KALRN: variants seen among roughly 807,000 people sequenced by gnomAD.
KALRN encodes kalirin RhoGEF kinase.
In KALRN, 70 loss-of-function variants were observed where a neutral mutation model predicts 353.7. That is an observed-to-expected ratio of 0.20 (90% confidence interval 0.16 to 0.24). The LOEUF (loss-of-function observed/expected upper bound fraction) is 0.24, where lower values mean the gene tolerates loss of function less well. KALRN is among the 10% of genes least tolerant of loss of function. The probability of loss-of-function intolerance (pLI) is 1.00; values close to 1 mark genes in which losing one functional copy is unlikely to be tolerated. For missense variants in KALRN, 2,791 were observed against 3,756.7 expected (o/e 0.74, Z 6.72); for synonymous variants, 1,391 against 1,434.8 (o/e 0.97, Z 0.69).
chr3:124,640,088 G>A (rs544367091), intron 37 of KALRN, among the ~76,000 whole-genome samples: 6 of 152,114 alleles, frequency 3.9e-5, no homozygotes, highest in Non-Finnish European at 7.3e-5. Context: ...AAGAAGAAAA[G>A]ATTCAGAGCT....
chr3:124,665,263 T>A (rs2150296196), intron 45 of KALRN, among the ~76,000 whole-genome samples: 1 of 152,168 alleles, frequency 6.6e-6, no homozygotes, highest in African/African-American at 2.4e-5. Context: ...TGCAAAGCAA[T>A]AGAAGTGCAA....
intron 1 of KALRN, among the ~76,000 whole-genome samples, chr3:124,117,305 G>A (rs907265199): frequency 6.6e-6 from 1 of 150,394 alleles, no homozygotes; most frequent in African/African-American, 2.5e-5. Flanking sequence ...TTCTTTTATG[G>A]AAAAGAAAAA....
At chr3:124,293,076 A>G (rs1157347981) in intron 5 of KALRN, among the ~76,000 whole-genome samples, 1 of 152,198 alleles carries the variant, frequency 6.6e-6, no homozygotes, top group Non-Finnish European at 1.5e-5. Flanking sequence ...CAGATATAAC[A>G]AGGTTCACCC....
intron 10 of KALRN, among the ~76,000 whole-genome samples, chr3:124,352,781 G>C (rs1031487663): frequency 6.6e-6 from 1 of 151,630 alleles, no homozygotes; most frequent in African/African-American, 2.4e-5. Context: ...ACCAAACACC[G>C]CATGTTCTCA....
chr3:124,138,701 A>G (rs2066247658), intron 1 of KALRN, among the ~76,000 whole-genome samples: 1 of 152,154 alleles, frequency 6.6e-6, no homozygotes, highest in Non-Finnish European at 1.5e-5. Context: ...TTCATAGATC[A>G]GTCATCAGCA....
At chr3:124,312,145 AT>A (rs2078331443) in intron 6 of KALRN, among the ~76,000 whole-genome samples, 1 of 152,168 alleles carries the variant, frequency 6.6e-6, no homozygotes, top group Non-Finnish European at 1.5e-5. Flanking sequence ...TGCACTTTTT[AT>A]TTTATTTCAT....
At chr3:124,331,882 G>C (rs1034178209) in intron 8 of KALRN, among the ~76,000 whole-genome samples, 1 of 152,168 alleles carries the variant, frequency 6.6e-6, no homozygotes, top group Non-Finnish European at 1.5e-5. Flanking sequence ...CAGATGTAGA[G>C]ACTGAGGCAG....
Position 124,674,698 on chromosome 3 carries a change from A to G in KALRN, c.7193+84A>G, listed in dbSNP as rs563492868. 3.9e-5 allele frequency: 54 copies of G among 1,373,032 alleles called. 1 individual carries two copies. The South Asian group carries it at 7.9e-4, about 20-fold the overall frequency. 85.1% of individuals were successfully genotyped at this position (1,373,032 alleles called of 1,614,324 possible). On this transcript the variant is annotated intron_variant, in intron 49 of 59. Coordinates refer to ENST00000682506, the MANE Select transcript of KALRN (RefSeq NM_001388419.1). The stretch of plus-strand genomic sequence containing the variant: ...CAAACAAAAGAACACAAAAATGCAA[A>G]CACATGGTAGGGAATTACTACTGCT...
At chr3:124,629,337 C>T (rs1010103468) in intron 34 of KALRN, among the ~76,000 whole-genome samples, 1 of 152,096 alleles carries the variant, frequency 6.6e-6, no homozygotes, top group Non-Finnish European at 1.5e-5. Context: ...CAGGGCTGTG[C>T]TGTATATAGT....
intron 1 of KALRN, among the ~76,000 whole-genome samples, chr3:124,068,111 C>G (rs1180553112): frequency 6.6e-6 from 1 of 152,186 alleles, no homozygotes; most frequent in Non-Finnish European, 1.5e-5. Context: ...AGTGGCTAGT[C>G]TGAAAATCTC....
intron 1 of KALRN, among the ~76,000 whole-genome samples, chr3:124,138,358 G>C (rs1333057856): frequency 6.6e-6 from 1 of 152,214 alleles, no homozygotes; most frequent in East Asian, 1.9e-4. Flanking sequence ...GGCTCTCTGT[G>C]CTCTACTCCA....
At chr3:124,084,926 C>G (rs1390374762) in intron 1 of KALRN, among the ~76,000 whole-genome samples, 1 of 152,222 alleles carries the variant, frequency 6.6e-6, no homozygotes, top group African/African-American at 2.4e-5. Flanking sequence ...GGAGCCACAG[C>G]TCCACCTGTG....
At chr3:124,696,382 C>A in intron 54 of KALRN, 127 bp downstream of exon 54, 1 of 712,512 alleles carries the variant, frequency 1.4e-6, no homozygotes, top group Non-Finnish European at 2.2e-6. Flanking sequence ...GCACTCCAAC[C>A]ACCTCAGCCT....
chr3:124,388,918 T>C (rs1397097418), intron 11 of KALRN, among the ~76,000 whole-genome samples: 1 of 152,136 alleles, frequency 6.6e-6, no homozygotes, highest in Non-Finnish European at 1.5e-5. Context: ...AACTCTTGAC[T>C]CCTTCCTCTT....
chr3:124,277,996 A>ATGTG (rs3054178), intron 5 of KALRN, among the ~76,000 whole-genome samples: 7,554 of 146,118 alleles, frequency 0.052, 191 homozygotes, highest in African/African-American at 0.067. Context: ...GAGATGAACT[A>ATGTG]TGTGTGTGTG....
At chr3:124,375,276 A>C (rs1194034859) in intron 10 of KALRN, among the ~76,000 whole-genome samples, 1 of 152,188 alleles carries the variant, frequency 6.6e-6, no homozygotes, top group Non-Finnish European at 1.5e-5. Flanking sequence ...GTGTCTGCAT[A>C]GCGCACGCCT....
chr3:124,035,530 T>G (rs1357230517), intron 1 of KALRN, among the ~76,000 whole-genome samples: 1 of 152,164 alleles, frequency 6.6e-6, no homozygotes, highest in Non-Finnish European at 1.5e-5. Context: ...CACTTTTACC[T>G]TTTGGTGCCC....
intron 1 of KALRN, among the ~76,000 whole-genome samples, chr3:124,081,569 A>G (rs1296906741): frequency 2.0e-5 from 3 of 152,176 alleles, no homozygotes; most frequent in Non-Finnish European, 4.4e-5. Context: ...CTAGGAGTTC[A>G]AGACCAGGCT....
intron 7 of KALRN, among the ~76,000 whole-genome samples, chr3:124,328,911 A>G (rs1438555350): frequency 1.3e-5 from 2 of 152,234 alleles, no homozygotes; most frequent in African/African-American, 4.8e-5. Flanking sequence ...GGGGAAAAAC[A>G]TGACTCAAAG....
Sources: gnomAD v4.1 joint callset for allele counts (sites outside exome capture counted in the v4.1 genomes callset) on GRCh38, gnomAD v4.1.1 for gene constraint, MANE v1.5 for transcripts, NCBI Gene and HGNC (gene_info 2026-07-23, HGNC 2026-07-21) for gene names.